The following P2RY8 variants were observed in gnomAD, a reference collection of about 807,000 sequenced individuals.
P2RY8 encodes the protein S-geranylgeranyl-glutathione receptor P2RY8.
A neutral mutation model predicts 10.0 loss-of-function variants in P2RY8; 6 were observed. That is an observed-to-expected ratio of 0.60 (90% CI 0.33 to 1.19). P2RY8 has a LOEUF of 1.19. Ranked by LOEUF, P2RY8 falls within the 50% of genes most tolerant of loss-of-function variation. P2RY8 has a pLI of 0.04. For synonymous variants in P2RY8, 276 were observed against 252.5 expected, an observed-to-expected ratio of 1.09 and a Z score of -0.88; for missense variants, 456 against 542.0, an observed-to-expected ratio of 0.84 and a Z score of 1.58.
chrX:1,518,556 G>A (rs1347752196), intron 1 of P2RY8, among the ~76,000 whole-genome samples: 1 of 151,104 alleles, frequency 6.6e-6, no homozygotes, highest in Non-Finnish European at 1.5e-5. Context: ...AAACCTGTCT[G>A]TTTCCCCAAA....
At chrX:1,510,262 C>T (rs2092289416) in intron 1 of P2RY8, among the ~76,000 whole-genome samples, 1 of 152,134 alleles carries the variant, frequency 6.6e-6, no homozygotes, top group South Asian at 2.1e-4. Context: ...TCTGTCTACA[C>T]CTGGCTTAGA....
chrX:1,530,322 AT>A, intron 1 of P2RY8, among the ~76,000 whole-genome samples: 1 of 150,236 alleles, frequency 6.7e-6, no homozygotes, highest in Admixed American at 6.6e-5. Flanking sequence ...TCATCTATCT[AT>A]ATGTATGTAC....
chrX:1,509,515 T>TTCATC (rs2092276452), intron 1 of P2RY8, among the ~76,000 whole-genome samples: 1 of 127,896 alleles, frequency 7.8e-6, no homozygotes, highest in Non-Finnish European at 1.6e-5. Context: ...ATCCATCCAT[T>TTCATC]CATCCATCCA....
chrX:1,465,849 C>G lies in P2RY8; in HGVS notation c.710G>C (p.Gly237Ala). Residue 237 changes from glycine to alanine, a missense_variant, in exon 2 of 2, where the codon GGC becomes GCC. Transcript: ENST00000381297. Reference protein sequence around the residue: ...HGREQRRRAVGLAAVVLLAFV... With the variant: ...HGREQRRRAVALAAVVLLAFV... ...GGCCAGCAAGACCACCGCGGCCAGG[C>G]CCACCGCGCGCCTCCGCTGCTCCCG... 13 of 1,612,578 alleles carry G rather than the reference C, an allele frequency of 8.1e-6. No individual in the cohort carries two copies. The highest frequency in any genetic ancestry group is 1.1e-5 in the Non-Finnish European group (13 of 1,179,638).
At chrX:1,507,340 T>C (rs2092243745) in intron 1 of P2RY8, among the ~76,000 whole-genome samples, 1 of 152,042 alleles carries the variant, frequency 6.6e-6, no homozygotes, top group Admixed American at 6.6e-5. Flanking sequence ...CACATTGTCC[T>C]TGAACACCTG....
chrX:1,532,529 T>C (rs1270044392), intron 1 of P2RY8, among the ~76,000 whole-genome samples: 2 of 151,042 alleles, frequency 1.3e-5, no homozygotes, highest in Non-Finnish European at 2.9e-5. Flanking sequence ...GATGTGTATA[T>C]ATATATACAT....
At chrX:1,510,101 CCTAT>C (rs1322278938) in intron 1 of P2RY8, among the ~76,000 whole-genome samples, 1 of 152,076 alleles carries the variant, frequency 6.6e-6, no homozygotes, top group Non-Finnish European at 1.5e-5. Context: ...TCATCTACCA[CCTAT>C]CTGTCTCAAT....
chrX:1,477,187 T>TC (rs1208120300), intron 1 of P2RY8, among the ~76,000 whole-genome samples: 47 of 114,716 alleles, frequency 4.1e-4, no homozygotes, highest in African/African-American at 1.3e-3. Context: ...AGACTGCATC[T>TC]CAAAAAAAAA....
chrX:1,478,072 T>C (rs1345079634), intron 1 of P2RY8, among the ~76,000 whole-genome samples: 39 of 152,206 alleles, frequency 2.6e-4, no homozygotes, highest in Admixed American at 2.4e-3. Context: ...AAAGCATCTC[T>C]TGGGCCCCTG....
At chrX:1,525,450 G>A (rs1453525298) in intron 1 of P2RY8, among the ~76,000 whole-genome samples, 2 of 152,142 alleles carry the variant, frequency 1.3e-5, no homozygotes, top group Non-Finnish European at 2.9e-5. Context: ...TTGGAGGGAG[G>A]CATTCCCAAG....
chrX:1,481,097 C>T (rs2091929965), intron 1 of P2RY8, among the ~76,000 whole-genome samples: 2 of 152,012 alleles, frequency 1.3e-5, no homozygotes, highest in South Asian at 4.1e-4. Flanking sequence ...TACCGGAACT[C>T]TCATTGAATG....
Position 1,464,010 on chromosome X carries a change from T to G in P2RY8, c.*1469A>C, listed in dbSNP as rs1182188409. ...CATTACTAAACCATCTCTGTTTTCC[T>G]GCCATAGTGATGACGGCAGGAGAGA... is the stretch of plus-strand genomic sequence containing the variant. On this transcript the variant is annotated 3_prime_UTR_variant, in exon 2 of 2. Transcript: ENST00000381297. The G allele has an allele frequency of 1.7e-5, 4 of 233,200 alleles. No homozygotes were observed. The highest frequency in any genetic ancestry group is 2.5e-5 in the Non-Finnish European group (3 of 118,058). The allele number at this position is 233,200 out of a possible 1,614,324, so 14.4% of individuals were successfully genotyped here.
intron 1 of P2RY8, among the ~76,000 whole-genome samples, chrX:1,506,464 T>C (rs1439082797): frequency 6.6e-6 from 1 of 152,056 alleles, no homozygotes; most frequent in Non-Finnish European, 1.5e-5. Flanking sequence ...ACTGCCTCTT[T>C]GTCCTTTCCA....
intron 1 of P2RY8, among the ~76,000 whole-genome samples, chrX:1,475,411 C>T (rs2091863912): frequency 6.6e-6 from 1 of 152,026 alleles, no homozygotes; most frequent in African/African-American, 2.4e-5. Flanking sequence ...AACAGATTTT[C>T]CCTCAGAGCC....
chrX:1,499,781 CAA>C (rs2092156180), intron 1 of P2RY8, among the ~76,000 whole-genome samples: 1 of 152,072 alleles, frequency 6.6e-6, no homozygotes, highest in Non-Finnish European at 1.5e-5. Context: ...GGGAACAAGA[CAA>C]GAGGCAACCT....
At chrX:1,527,702 CATCT>C (rs1192968869) in intron 1 of P2RY8, among the ~76,000 whole-genome samples, 7 of 149,086 alleles carry the variant, frequency 4.7e-5, no homozygotes, top group Admixed American at 1.3e-4. Context: ...TCCATTTACT[CATCT>C]ATCCATCCAT....
chrX:1,496,273 C>A (rs1362653336), intron 1 of P2RY8, among the ~76,000 whole-genome samples: 2 of 152,138 alleles, frequency 1.3e-5, no homozygotes, highest in Non-Finnish European at 2.9e-5. Context: ...AAGACCATCT[C>A]GAGGCCATCT....
chrX:1,498,838 C>T (rs1431736832), intron 1 of P2RY8, among the ~76,000 whole-genome samples: 1 of 148,026 alleles, frequency 6.8e-6, no homozygotes, highest in African/African-American at 2.5e-5. Context: ...GCACCTGGCC[C>T]TCTGTTATTT....
chrX:1,466,579 G>T lies in P2RY8; in HGVS notation c.-21C>A, dbSNP rs1480895606. ...TGCATCCTGGAGGGGTCCTCGCCCG[G>T]GCTCTGCAAGGGAAGGAGGGAAGGG... On this transcript the variant is annotated 5_prime_UTR_variant, in exon 2 of 2. Coordinates refer to ENST00000381297, the MANE Select transcript of P2RY8 (RefSeq NM_178129.5). 1 of 1,591,478 alleles carries T rather than the reference G, an allele frequency of 6.3e-7. No homozygotes were observed. Among genetic ancestry groups the T allele is most frequent in the South Asian group, 1.1e-5 (1 of 89,396 alleles).
Sources: gnomAD v4.1 joint callset for allele counts (sites outside exome capture counted in the v4.1 genomes callset) on GRCh38, gnomAD v4.1.1 for gene constraint, MANE v1.5 for transcripts, NCBI Gene and HGNC (gene_info 2026-07-23, HGNC 2026-07-21) for gene names.